DTL: variants seen among roughly 807,000 people sequenced by gnomAD.
The protein encoded by DTL is denticleless protein homolog.
Under a neutral mutation model 87.0 loss-of-function variants are expected in DTL, and 46 were observed. The ratio of observed to expected loss-of-function variants is 0.53; its 90% CI spans 0.42 to 0.68. The LOEUF is 0.68. DTL is among the 30% of genes least tolerant of loss of function. The pLI is 0.00. For synonymous variants in DTL, 308 were observed against 311.2 expected (o/e 0.99, Z 0.11); for missense variants, 737 against 869.4 (o/e 0.85, Z 1.91).
chr1:212,104,341 C>A lies in DTL; in HGVS notation c.*1401C>A, dbSNP rs866565545. The A allele has an allele frequency of 6.6e-6, 1 of 151,824 alleles. No homozygotes were observed. Among genetic ancestry groups the A allele is most frequent in the Non-Finnish European group, 1.5e-5 (1 of 67,962 alleles). The allele number at this position is 151,824 out of a possible 1,614,324, so 9.4% of individuals were successfully genotyped here. On this transcript the variant is annotated 3_prime_UTR_variant, in exon 15 of 15. Transcript: ENST00000366991. ...ATCTTATAAGTTAAAGCTGTAACAA[C>A]TGAAATTGCATGGATCAAGTAAGCA...
chr1:212,064,589 C>T (rs1205782833), intron 6 of DTL, among the ~76,000 whole-genome samples: 1 of 152,192 alleles, frequency 6.6e-6, no homozygotes, highest in African/African-American at 2.4e-5. Flanking sequence ...GTCACATTTC[C>T]TCCATGTCAT....
At chr1:212,041,983 A>G (rs992073168) in intron 1 of DTL, among the ~76,000 whole-genome samples, 14 of 152,202 alleles carry the variant, frequency 9.2e-5, no homozygotes, top group African/African-American at 3.4e-4. Flanking sequence ...GTCTGAGGTT[A>G]TGTCAGGCTA....
intron 1 of DTL, among the ~76,000 whole-genome samples, chr1:212,038,644 GC>G (rs1300448056): frequency 6.6e-6 from 1 of 152,130 alleles, no homozygotes; most frequent in East Asian, 1.9e-4. Flanking sequence ...GGGCCCTAAT[GC>G]CTTCTTGTCT....
intron 9 of DTL, 31 bp downstream of exon 9, chr1:212,068,358 T>C (rs760168974): frequency 7.4e-7 from 1 of 1,352,018 alleles, no homozygotes; most frequent in Non-Finnish European, 1.0e-6. Context: ...TTGGGGGAGA[T>C]AAGAGTTTTT....
intron 11 of DTL, among the ~76,000 whole-genome samples, chr1:212,073,094 C>T (rs1654725068): frequency 6.6e-6 from 1 of 152,114 alleles, no homozygotes. Flanking sequence ...TTTTTAATAA[C>T]AGTAGTTCTA....
chr1:212,073,785 A>C (rs1654750287), intron 11 of DTL, among the ~76,000 whole-genome samples: 1 of 152,128 alleles, frequency 6.6e-6, no homozygotes, highest in South Asian at 2.1e-4. Flanking sequence ...ACTTGACTCC[A>C]TCACAAGATG....
At chr1:212,095,395 C>T (rs1339335139) in intron 13 of DTL, among the ~76,000 whole-genome samples, 2 of 152,114 alleles carry the variant, frequency 1.3e-5, no homozygotes, top group Non-Finnish European at 2.9e-5. Context: ...GCTCTTGTTG[C>T]CCAGGCTGGG....
rs1655665925 is a variant in DTL at position 212,102,908 on chromosome 1, T to G, written c.2161T>G (p.Phe721Val). Residue 721 changes from phenylalanine (F) to valine (V), a missense_variant, in exon 15 of 15, where the codon TTC becomes GTC. Coordinates refer to ENST00000366991, the MANE Select transcript of DTL (RefSeq NM_016448.4). ...TYFHRKSQED[F>V]CGPEHSTEL ...CTTCCATAGAAAGTCCCAGGAGGACTTCTGTGGTCCTGAACACTCAACAGA... is the reference window on the plus strand; with the variant it reads ...CTTCCATAGAAAGTCCCAGGAGGACGTCTGTGGTCCTGAACACTCAACAGA... The G allele has an allele frequency of 6.2e-7, 1 of 1,611,242 alleles. No homozygotes were observed. Among genetic ancestry groups the G allele is most frequent in the Non-Finnish European group, 8.5e-7 (1 of 1,177,702 alleles).
rs370145801 is a variant in DTL, at chr1:212,101,476, A to T, written c.2094+392A>T. On this transcript the variant is annotated intron_variant, in intron 14 of 14. Transcript: ENST00000366991. ...CCCCTCTCCTGTTAGACAGTATGCC[A>T]TCCTCTTTTTATAGATAAAGCTGTT... Among the ~76,000 whole-genome samples the T allele has an allele frequency of 2.6e-5, 4 of 152,302 alleles. No homozygotes were observed. In the East Asian group the frequency reaches 7.7e-4, roughly 29 times the overall value.
At chr1:212,054,239 C>A (rs1021558986) in intron 5 of DTL, among the ~76,000 whole-genome samples, 2 of 152,144 alleles carry the variant, frequency 1.3e-5, no homozygotes, top group Admixed American at 1.3e-4. Context: ...CTTTCTCTAG[C>A]TGTCTCCAGG....
Position 212,068,561 on chromosome 1 carries a change from A to G in DTL, c.818-38A>G, listed in dbSNP as rs1347052163. On this transcript the variant is annotated intron_variant, in intron 9 of 14. Transcript: ENST00000366991. ...CATTTTAACCTCAGATCTACTCACCATCATCAGGACGTGCTAACTTAAGTT... is the reference window on the plus strand; with the variant it reads ...CATTTTAACCTCAGATCTACTCACCGTCATCAGGACGTGCTAACTTAAGTT... The G allele has an allele frequency of 2.3e-6, 3 of 1,300,346 alleles. No individual in the cohort carries two copies. In the East Asian group the frequency reaches 6.9e-5, roughly 30 times the overall value. 80.6% of individuals were successfully genotyped at this position (1,300,346 alleles called of 1,614,324 possible).
chr1:212,068,505 ATT>A (rs1654577577), intron 9 of DTL, 92 bp from the exon 10 acceptor site: 2 of 891,744 alleles, frequency 2.2e-6, no homozygotes, highest in East Asian at 4.9e-5. Context: ...TCTGATGATG[ATT>A]CTTATGAAAT....
chr1:212,052,831 A>G (rs927684195), intron 5 of DTL, among the ~76,000 whole-genome samples: 2 of 151,964 alleles, frequency 1.3e-5, no homozygotes, highest in African/African-American at 2.4e-5. Flanking sequence ...TAAACTTAAG[A>G]TAAAATGAAC....
intron 5 of DTL, among the ~76,000 whole-genome samples, chr1:212,054,389 A>G (rs1400220400): frequency 6.6e-6 from 1 of 151,218 alleles, no homozygotes; most frequent in Admixed American, 6.6e-5. Context: ...GGCTGTCCTC[A>G]AGGTAAAACC....
At chr1:212,042,895 C>T (rs1558069853) in intron 1 of DTL, 98 bp from the exon 2 acceptor site, 1 of 1,193,348 alleles carries the variant, frequency 8.4e-7, no homozygotes, top group Non-Finnish European at 1.2e-6. Flanking sequence ...ATGTTAATAT[C>T]TAAAGTTTCT....
chr1:212,054,792 CAAAA>C lies in DTL; in HGVS notation c.460+7393_460+7396del, dbSNP rs756328781. 1.0e-3 allele frequency among the ~76,000 whole-genome samples: 70 copies of C among 68,530 alleles called. 1 individual carries two copies. Among genetic ancestry groups the C allele is most frequent in the Non-Finnish European group, 5.8e-4 (22 of 38,118 alleles). 45.0% of individuals were successfully genotyped at this position (68,530 alleles called of 152,430 possible). A position where few individuals can be genotyped will look rare whatever the true frequency, so the allele number is the denominator to read the frequency against. ...CCTGGGTGACAACGAGACACCACCT[CAAAA>C]AAAAAAAAAAAAAAAAAGGAGGAAA... On this transcript the variant is annotated intron_variant, in intron 5 of 14. Transcript: ENST00000366991.
At chr1:212,043,222 G>A in intron 2 of DTL, 104 bp downstream of exon 2, 1 of 1,209,112 alleles carries the variant, frequency 8.3e-7, no homozygotes, top group African/African-American at 1.5e-5. Flanking sequence ...AAGTAAATTA[G>A]GTGGATGTTA....
At chr1:212,043,950 A>G (rs1357857932) in intron 2 of DTL, among the ~76,000 whole-genome samples, 1 of 152,084 alleles carries the variant, frequency 6.6e-6, no homozygotes, top group Non-Finnish European at 1.5e-5. Flanking sequence ...TTAGCCGGGC[A>G]TGGTGGTGCA....
At chr1:212,074,359 A>G (rs1487336726) in intron 11 of DTL, among the ~76,000 whole-genome samples, 2 of 152,070 alleles carry the variant, frequency 1.3e-5, no homozygotes, top group Non-Finnish European at 2.9e-5. Flanking sequence ...GTTTCAGGGA[A>G]TGAAGGTTGT....
Sources: allele counts gnomAD v4.1 joint callset (sites outside exome capture counted in the v4.1 genomes callset), GRCh38; gene constraint gnomAD v4.1.1; transcripts MANE v1.5; gene names NCBI Gene and HGNC (gene_info 2026-07-23, HGNC 2026-07-21).